PLCB1: variants seen among roughly 807,000 people sequenced by gnomAD.
The protein encoded by PLCB1 is phospholipase C beta 1, also known as 1-phosphatidylinositol 4,5-bisphosphate phosphodiesterase beta-1.
Under a neutral mutation model 161.8 loss-of-function variants are expected in PLCB1, and 46 were observed. The observed-to-expected ratio is 0.28, with a 90% CI of 0.22 to 0.36. The LOEUF (loss-of-function observed/expected upper bound fraction) is 0.36, where lower values mean the gene tolerates loss of function less well. PLCB1 is among the 10% of genes least tolerant of loss of function. PLCB1 has a pLI of 1.00. For synonymous variants in PLCB1, 517 were observed against 503.7 expected, an observed-to-expected ratio of 1.03 and a Z score of -0.35; for missense variants, 1,016 against 1,472.5, an observed-to-expected ratio of 0.69 and a Z score of 5.07.
intron 3 of PLCB1, among the ~76,000 whole-genome samples, chr20:8,401,860 G>A (rs1978567575): frequency 6.6e-6 from 1 of 152,188 alleles, no homozygotes; most frequent in East Asian, 1.9e-4. Context: ...ACAGATTCCA[G>A]TATGCCCAGG....
intron 11 of PLCB1, among the ~76,000 whole-genome samples, chr20:8,703,386 A>G (rs939348921): frequency 6.6e-6 from 1 of 152,240 alleles, no homozygotes. Context: ...TTACATAGGC[A>G]TGGACTTATT....
At chr20:8,821,017 C>G in intron 31 of PLCB1, among the ~76,000 whole-genome samples, 1 of 152,108 alleles carries the variant, frequency 6.6e-6, no homozygotes, top group East Asian at 1.9e-4. Context: ...ACTCTCATTA[C>G]CTCTGAGGAG....
chr20:8,420,417 G>A (rs528930652), intron 3 of PLCB1, among the ~76,000 whole-genome samples: 2 of 152,184 alleles, frequency 1.3e-5, no homozygotes, highest in Non-Finnish European at 2.9e-5. Context: ...AGGGGTACGT[G>A]TACAGGTTTG....
chr20:8,678,986 A>G (rs1283749368), intron 9 of PLCB1, among the ~76,000 whole-genome samples: 1 of 152,202 alleles, frequency 6.6e-6, no homozygotes, highest in Non-Finnish European at 1.5e-5. Context: ...ACCTGAACTG[A>G]TCAGCAACAG....
At chr20:8,869,373 A>C (rs1600105122) in intron 31 of PLCB1, among the ~76,000 whole-genome samples, 1 of 152,212 alleles carries the variant, frequency 6.6e-6, no homozygotes, top group East Asian at 1.9e-4. Context: ...CGCAGGCCCC[A>C]TAAGGAGAAA....
intron 7 of PLCB1, chr20:8,650,055 A>T (rs548340652): frequency 6.6e-6 from 1 of 152,320 alleles, no homozygotes; most frequent in South Asian, 2.1e-4. Flanking sequence ...CTTTTTGTAG[A>T]TAAAAAAGTC....
chr20:8,601,936 C>T (rs773788728), intron 3 of PLCB1, among the ~76,000 whole-genome samples: 2 of 152,112 alleles, frequency 1.3e-5, no homozygotes, highest in Non-Finnish European at 2.9e-5. Flanking sequence ...TCTATCAATC[C>T]CTTCCTCTTT....
At chr20:8,773,559 C>A (rs1028263127) in intron 26 of PLCB1, among the ~76,000 whole-genome samples, 9 of 152,228 alleles carry the variant, frequency 5.9e-5, no homozygotes, top group Non-Finnish European at 5.9e-5. Context: ...TTAGAATGAA[C>A]TAACGCATCT....
intron 3 of PLCB1, among the ~76,000 whole-genome samples, chr20:8,396,342 A>C (rs1440126147): frequency 1.3e-5 from 2 of 152,088 alleles, no homozygotes; most frequent in Non-Finnish European, 2.9e-5. Context: ...TTTTAATCCA[A>C]CCAAAACATA....
At chr20:8,517,917 C>G (rs977979588) in intron 3 of PLCB1, among the ~76,000 whole-genome samples, 1 of 152,178 alleles carries the variant, frequency 6.6e-6, no homozygotes, top group African/African-American at 2.4e-5. Flanking sequence ...GGCGTGGTGG[C>G]TCACACCTGT....
chr20:8,694,972 C>T (rs568352663), intron 10 of PLCB1, among the ~76,000 whole-genome samples: 1 of 152,326 alleles, frequency 6.6e-6, no homozygotes, highest in Admixed American at 6.5e-5. Context: ...TTTACTCCCA[C>T]TGTCCCCTTG....
intron 2 of PLCB1, among the ~76,000 whole-genome samples, chr20:8,287,585 G>A (rs1006822551): frequency 7.2e-5 from 11 of 152,186 alleles, no homozygotes; most frequent in African/African-American, 2.7e-4. Context: ...AGGCAGGCAT[G>A]TTCCCCGCAT....
chr20:8,690,354 A>G (rs988472401), intron 10 of PLCB1, among the ~76,000 whole-genome samples: 5 of 152,142 alleles, frequency 3.3e-5, no homozygotes, highest in African/African-American at 1.2e-4. Context: ...TATTTCTCAA[A>G]TCAGTCTCTC....
chr20:8,648,222 C>G (rs946809368), intron 6 of PLCB1, among the ~76,000 whole-genome samples: 20 of 152,136 alleles, frequency 1.3e-4, no homozygotes, highest in African/African-American at 4.8e-4. Flanking sequence ...CTACTAAGGC[C>G]GAAAGGCCAT....
At chr20:8,409,185 T>A (rs1978926142) in intron 3 of PLCB1, among the ~76,000 whole-genome samples, 1 of 152,156 alleles carries the variant, frequency 6.6e-6, no homozygotes, top group African/African-American at 2.4e-5. Flanking sequence ...GTGTATTATC[T>A]AGGCTTTACC....
intron 3 of PLCB1, among the ~76,000 whole-genome samples, chr20:8,438,741 T>G (rs1035587150): frequency 6.6e-5 from 10 of 152,164 alleles, no homozygotes; most frequent in Non-Finnish European, 1.3e-4. Context: ...ACCATTGGGT[T>G]CAGGTCTTTG....
At position 8,548,227 on chromosome 20, in the gene PLCB1, TTCCC is replaced by T. The variant is rs368791646; in HGVS notation, c.247-80058_247-80055del. On this transcript the variant is annotated intron_variant, in intron 3 of 31. Transcript: ENST00000338037. ...TTTCTTTCCTTCCTTCCTTCCTTCC[TTCCC>T]TCCCTCCCCTCTTCCTCTTTTTCAC... Among the ~76,000 whole-genome samples, 742 of 104,414 alleles carry T rather than the reference TTCCC, an allele frequency of 7.1e-3. 9 individuals are homozygous for T. The highest frequency in any genetic ancestry group is 0.021 in the African/African-American group (651 of 31,152). 68.5% of individuals were successfully genotyped at this position (104,414 alleles called of 152,430 possible). A position where few individuals can be genotyped will look rare whatever the true frequency, so the allele number is the denominator to read the frequency against.
At chr20:8,438,545 C>T (rs147723735) in intron 3 of PLCB1, among the ~76,000 whole-genome samples, 4 of 152,280 alleles carry the variant, frequency 2.6e-5, no homozygotes, top group African/African-American at 9.6e-5. Context: ...CCATCTCTAA[C>T]ATACTCTTAC....
At position 8,702,165 on chromosome 20, in the gene PLCB1, C is replaced by T. The variant is rs114325864; in HGVS notation, c.1167+4382C>T. ...GTTCTGGGAAAGGAGACATTCAGCT[C>T]CTTTATGAAGGGCTTTTTGTTTTGT... On this transcript the variant is annotated intron_variant, in intron 11 of 31. Transcript: ENST00000338037. Among the ~76,000 whole-genome samples, 220 of 152,264 alleles carry T rather than the reference C, an allele frequency of 1.4e-3. 1 individual carries two copies. The highest frequency in any genetic ancestry group is 4.2e-3 in the African/African-American group (176 of 41,542).
Sources: gnomAD v4.1 joint callset for allele counts (sites outside exome capture counted in the v4.1 genomes callset) on GRCh38, gnomAD v4.1.1 for gene constraint, MANE v1.5 for transcripts, NCBI Gene and HGNC (gene_info 2026-07-23, HGNC 2026-07-21) for gene names.